The following COL25A1 variants were observed in gnomAD, a reference collection of about 807,000 sequenced individuals.
COL25A1 encodes the protein collagen type XXV alpha 1 chain, also known as collagen alpha-1(XXV) chain.
In COL25A1, 103 loss-of-function variants were observed where a neutral mutation model predicts 128.4. The observed-to-expected ratio is 0.80, with a 90% CI of 0.68 to 0.94. COL25A1 has a LOEUF of 0.94. COL25A1 is among the 40% of genes least tolerant of loss of function. The pLI is 0.00. For synonymous variants in COL25A1, 279 were observed against 277.2 expected (o/e 1.01, Z -0.06); for missense variants, 745 against 840.0 (o/e 0.89, Z 1.40).
At chr4:108,828,424 C>A (rs1484646707) in intron 32 of COL25A1, among the ~76,000 whole-genome samples, 1 of 152,124 alleles carries the variant, frequency 6.6e-6, no homozygotes, top group African/African-American at 2.4e-5. Flanking sequence ...CGTGAGCCAC[C>A]GTGCCTGGCC....
At chr4:108,901,078 T>G (rs372104272) in intron 14 of COL25A1, 41 bp downstream of exon 14, 81 of 1,456,512 alleles carry the variant, frequency 5.6e-5, no homozygotes, top group Non-Finnish European at 7.6e-5. Context: ...TCCTGACAAT[T>G]CGTGTGTCAA....
intron 3 of COL25A1, among the ~76,000 whole-genome samples, chr4:109,093,463 A>AAACAAACAAAC (rs1553931007): frequency 6.7e-6 from 1 of 148,740 alleles, no homozygotes; most frequent in East Asian, 2.0e-4. Context: ...CTATGAAAAA[A>AAACAAACAAAC]AAAAAAAAAA....
chr4:109,262,905 G>A, intron 3 of COL25A1, among the ~76,000 whole-genome samples: 1 of 152,088 alleles, frequency 6.6e-6, no homozygotes, highest in Non-Finnish European at 1.5e-5. Context: ...CGAGGTGGGT[G>A]GATCACCTAA....
chr4:109,158,301 A>C (rs1049444227), intron 3 of COL25A1, among the ~76,000 whole-genome samples: 1 of 151,896 alleles, frequency 6.6e-6, no homozygotes, highest in African/African-American at 2.4e-5. Context: ...TGTGAATGCC[A>C]ATGTTTTAAA....
chr4:108,829,256 A>G (rs1199783963), intron 32 of COL25A1, among the ~76,000 whole-genome samples: 1 of 152,194 alleles, frequency 6.6e-6, no homozygotes, highest in Non-Finnish European at 1.5e-5. Context: ...TATGCCTTGC[A>G]CTTTAGGAGT....
intron 3 of COL25A1, among the ~76,000 whole-genome samples, chr4:109,182,566 T>C (rs2126147396): frequency 6.6e-6 from 1 of 152,224 alleles, no homozygotes. Context: ...AATCTTCTGG[T>C]GAATAGGTAC....
At chr4:109,204,370 A>G (rs1776819387) in intron 3 of COL25A1, among the ~76,000 whole-genome samples, 1 of 152,206 alleles carries the variant, frequency 6.6e-6, no homozygotes, top group African/African-American at 2.4e-5. Flanking sequence ...AAGACGTTGT[A>G]TGAAGGAATC....
intron 5 of COL25A1, among the ~76,000 whole-genome samples, chr4:109,012,859 C>T (rs142241155): frequency 2.2e-3 from 342 of 152,296 alleles, no homozygotes; most frequent in South Asian, 0.014. Context: ...GGAGTGCAGG[C>T]GCGTGGCATG....
At chr4:109,297,462 A>G (rs769771853) in intron 3 of COL25A1, among the ~76,000 whole-genome samples, 1 of 152,108 alleles carries the variant, frequency 6.6e-6, no homozygotes, top group East Asian at 1.9e-4. Flanking sequence ...GTTTACCTAA[A>G]AGGTCAAAAG....
At chr4:109,048,039 G>A (rs2125938352) in intron 5 of COL25A1, 129 bp downstream of exon 5, 1 of 1,072,572 alleles carries the variant, frequency 9.3e-7, no homozygotes, top group Admixed American at 2.0e-5. Flanking sequence ...ACCACTTTAA[G>A]TATACTCTTA....
At chr4:109,163,559 AG>A (rs1322112719) in intron 3 of COL25A1, among the ~76,000 whole-genome samples, 1 of 152,230 alleles carries the variant, frequency 6.6e-6, no homozygotes, top group Non-Finnish European at 1.5e-5. Context: ...TCCCCCCAGC[AG>A]GAATTCCTGC....
chr4:109,087,496 G>GA (rs1360727551), intron 3 of COL25A1, among the ~76,000 whole-genome samples: 1 of 152,106 alleles, frequency 6.6e-6, no homozygotes, highest in Non-Finnish European at 1.5e-5. Flanking sequence ...ACTCTTGCCT[G>GA]AAAATAGAAG....
intron 3 of COL25A1, among the ~76,000 whole-genome samples, chr4:109,156,314 G>A (rs1184589422): frequency 6.6e-6 from 1 of 152,242 alleles, no homozygotes; most frequent in Non-Finnish European, 1.5e-5. Flanking sequence ...GGACTAAAAT[G>A]AGAACAACTC....
intron 3 of COL25A1, among the ~76,000 whole-genome samples, chr4:109,151,174 A>G (rs1452833898): frequency 2.0e-5 from 3 of 152,144 alleles, no homozygotes; most frequent in African/African-American, 7.2e-5. Flanking sequence ...ATGCTTTAAA[A>G]TGATTAATTT....
intron 31 of COL25A1, among the ~76,000 whole-genome samples, chr4:108,839,978 A>G: frequency 6.6e-6 from 1 of 152,068 alleles, no homozygotes; most frequent in East Asian, 1.9e-4. Flanking sequence ...GCAGTGGCTC[A>G]TGCTTGTAAT....
At chr4:109,117,536 G>T (rs79130007) in intron 3 of COL25A1, among the ~76,000 whole-genome samples, 4,914 of 151,974 alleles carry the variant, frequency 0.032, 142 homozygotes, top group South Asian at 0.12. Flanking sequence ...AAAATATTAG[G>T]TCAGAAACTC....
intron 3 of COL25A1, among the ~76,000 whole-genome samples, chr4:109,058,942 T>C (rs1560612627): frequency 2.0e-5 from 3 of 151,298 alleles, no homozygotes; most frequent in Non-Finnish European, 2.9e-5. Flanking sequence ...CGAGTAAGAG[T>C]AGGAGTAGTT....
At chr4:108,834,455 A>G (rs555474422) in intron 31 of COL25A1, 2 of 1,402,026 alleles carry the variant, frequency 1.4e-6, no homozygotes, top group African/African-American at 2.9e-5. Context: ...AGAGATTAGT[A>G]TGAGGTACCG....
intron 6 of COL25A1, among the ~76,000 whole-genome samples, chr4:108,976,861 C>T (rs1016182456): frequency 2.0e-5 from 3 of 152,222 alleles, no homozygotes; most frequent in Non-Finnish European, 2.9e-5. Context: ...ATGTCCTATA[C>T]TTTGTGTCTT....
Sources: gnomAD v4.1 joint callset for allele counts (sites outside exome capture counted in the v4.1 genomes callset) on GRCh38, gnomAD v4.1.1 for gene constraint, MANE v1.5 for transcripts, NCBI Gene and HGNC (gene_info 2026-07-23, HGNC 2026-07-21) for gene names.